ELMO3: variants seen among roughly 807,000 people sequenced by gnomAD.
ELMO3 encodes the protein engulfment and cell motility 3, also known as engulfment and cell motility protein 3.
In ELMO3, 81 loss-of-function variants were observed where a neutral mutation model predicts 89.0. The ratio of observed to expected loss-of-function variants is 0.91; its 90% CI spans 0.76 to 1.09. The LOEUF is 1.09. Ranked by LOEUF, ELMO3 falls within the 50% of genes least tolerant of loss-of-function variation. The pLI, the probability that ELMO3 is intolerant of heterozygous loss-of-function variation, is 0.00. For missense variants in ELMO3, 959 were observed against 972.8 expected (o/e 0.99, Z 0.19); for synonymous variants, 406 against 400.6 (o/e 1.01, Z -0.16).
At position 67,202,157 on chromosome 16, in the gene ELMO3, C is replaced by T. The variant is rs2033130056; in HGVS notation, c.1153-19C>T. The T allele has an allele frequency of 6.3e-7, 1 of 1,599,370 alleles. No homozygotes were observed. Among genetic ancestry groups the T allele is most frequent in the Non-Finnish European group, 8.5e-7 (1 of 1,170,810 alleles). ...ATGGGCTTAGCTGTGACTCCTTGCC[C>T]CATTCTCTGCGCCCCCAGTTTGTGT... On this transcript the variant is annotated intron_variant, in intron 12 of 19. Coordinates refer to ENST00000393997, the MANE Select transcript of ELMO3 (RefSeq NM_024712.5).
rs759220966 is a variant in ELMO3, at chr16:67,202,998, C to T, written c.1669C>T (p.Arg557Cys). 18 of 1,605,390 alleles carry T rather than the reference C, an allele frequency of 1.1e-5. No homozygotes were observed. Among genetic ancestry groups the T allele is most frequent in the South Asian group, 2.2e-5 (2 of 91,050 alleles). The change falls in exon 16 of 20, where the codon CGC (arginine) becomes TGC (cysteine). Residue 557 changes from arginine (R) to cysteine (C), a missense_variant. By Grantham distance (180) the Arg-to-Cys change is radical. Transcript: ENST00000393997. ...CTTCCGCAAGATCAGCAGCCGGCGG[C>T]GCCAGGGTCTCTGAATGGGCATGGG... ...TLFRKISSRR[R>C]QDKLWFCCLS...
rs201989876 is a variant in ELMO3, at chr16:67,200,938, G to A, written c.714G>A (p.Leu238=). ...AGGCCATGGCCCTGCTGACAGCCTTGCTGCAGGGGGCCAGCCCTGTGGAAC... is the reference window on the plus strand; with the variant it reads ...AGGCCATGGCCCTGCTGACAGCCTTACTGCAGGGGGCCAGCCCTGTGGAAC... ...QTKAMALLTA[L]LQGASPVERK... The change falls in exon 8 of 20, where the codon TTG becomes TTA. Residue 238 remains leucine (L), a synonymous_variant. Coordinates refer to ENST00000393997, the MANE Select transcript of ELMO3 (RefSeq NM_024712.5). The A allele has an allele frequency of 3.6e-5, 58 of 1,612,188 alleles. No homozygotes were observed. In the Middle Eastern group the frequency reaches 6.7e-4, roughly 19 times the overall value.
chr16:67,199,143 G>A lies in ELMO3; in HGVS notation c.-184G>A. On this transcript the variant is annotated 5_prime_UTR_variant, in exon 1 of 20. Coordinates refer to ENST00000393997, the MANE Select transcript of ELMO3 (RefSeq NM_024712.5). Reference sequence around the variant, plus strand: ...CAGACTCCAACCCGGAACTAACCTCGGCTCCCTTGGGAAGGCCGCGTTGCA... The same window carrying A: ...CAGACTCCAACCCGGAACTAACCTCAGCTCCCTTGGGAAGGCCGCGTTGCA... The A allele has an allele frequency of 6.2e-7, 1 of 1,600,168 alleles. No homozygotes were observed. The highest frequency in any genetic ancestry group is 8.5e-7 in the Non-Finnish European group (1 of 1,175,908).
rs369325778 is a variant in ELMO3 at position 67,200,914 on chromosome 16, G to A, written c.690G>A (p.Lys230=). ...GGATGAACCAGCAGCTGCAAACCAA[G>A]GCCATGGCCCTGCTGACAGCCTTGC... ...LQVMNQQLQT[K]AMALLTALLQ... is the part of the protein sequence containing the mutation. Residue 230 remains lysine (K), a synonymous_variant, in exon 8 of 20, where the codon AAG becomes AAA. Coordinates refer to ENST00000393997, the MANE Select transcript of ELMO3 (RefSeq NM_024712.5). 8.3e-5 allele frequency: 134 copies of A among 1,613,358 alleles called. No individual in the cohort carries two copies. Among genetic ancestry groups the A allele is most frequent in the Non-Finnish European group, 1.1e-4 (132 of 1,179,842 alleles).
In ELMO3 at chr16:67,200,456, GA is replaced by G; in HGVS notation, c.420del (p.Glu141ArgfsTer7). The G allele has an allele frequency of 6.2e-7, 1 of 1,613,154 alleles. No individual in the cohort carries two copies. Among genetic ancestry groups the G allele is most frequent in the Non-Finnish European group, 8.5e-7 (1 of 1,179,482 alleles). On this transcript the variant is annotated frameshift_variant, in exon 6 of 20. Transcript: ENST00000393997. LOFTEE classifies it high-confidence loss of function. ...CCCAGATGTCCCCCCTCCAGCCTAG[GA>G]GAGGTGCTGGCCCTCAGCCTGAGGG... is the stretch of plus-strand genomic sequence containing the variant. ...GTIIEDGDDLGEVLALSLRAF... is the reference protein window; with the variant it reads ...GTIIEDGDDLXEVLALSLRAF...
At position 67,201,836 on chromosome 16, in the gene ELMO3, C is replaced by T; in HGVS notation, c.1013C>T (p.Ser338Phe). 6.2e-7 allele frequency: 1 copy of T among 1,611,224 alleles called. No homozygotes were observed. Among genetic ancestry groups the T allele is most frequent in the Non-Finnish European group, 8.5e-7 (1 of 1,179,678 alleles). Reference protein sequence around the residue: ...GAGLSADRRRSLCAREFRKLG... With the variant: ...GAGLSADRRRFLCAREFRKLG... ...GGGCTAAGTGCTGACCGTCGCCGTT[C>T]CCTCTGTGCCCGAGAGTTCCGCAAA... The change falls in exon 11 of 20, where the codon TCC (serine) becomes TTC (phenylalanine). Residue 338 changes from serine (S) to phenylalanine (F), a missense_variant. Ser to Phe is a radical substitution (Grantham distance 155, BLOSUM62 -2). Transcript: ENST00000393997.
intron 13 of ELMO3, 26 bp from the exon 14 acceptor site, chr16:67,202,371 G>A (rs1457737368): frequency 6.2e-7 from 1 of 1,613,658 alleles, no homozygotes. Context: ...CTTTCTCCCT[G>A]AGCCCCTCCT....
At position 67,200,315 on chromosome 16, in the gene ELMO3, C is replaced by T. The variant is rs763498567; in HGVS notation, c.367C>T (p.Arg123Cys). The T allele has an allele frequency of 8.7e-6, 14 of 1,613,898 alleles. No homozygotes were observed. Among genetic ancestry groups the T allele is most frequent in the South Asian group, 5.5e-5 (5 of 91,086 alleles). Residue 123 changes from arginine (R) to cysteine (C), a missense_variant, in exon 5 of 20, where the codon CGT (arginine) becomes TGT (cysteine). Physicochemically the swap from Arg to Cys is radical, Grantham distance 180 (BLOSUM62 -3). Coordinates refer to ENST00000393997, the MANE Select transcript of ELMO3 (RefSeq NM_024712.5). ...DMIFAREVIS[R>C]NGLQILGTII... The stretch of plus-strand genomic sequence containing the variant: ...GATCTTTGCCAGGGAGGTCATCAGC[C>T]GTAATGGGCTCCAGATACTAGGCAC...
Position 67,200,176 on chromosome 16 carries a change from G to A in ELMO3, c.244-16G>A, listed in dbSNP as rs200007690. The stretch of plus-strand genomic sequence containing the variant: ...GCCCAGCCTCTTCACCTCTGCTCCT[G>A]CTCCGTTCCTGCCAGGACCTTGAGG... On this transcript the variant is annotated splice_polypyrimidine_tract_variant and intron_variant, in intron 4 of 19. Transcript: ENST00000393997. 1.9e-6 allele frequency: 3 copies of A among 1,608,004 alleles called. No individual in the cohort carries two copies. In the South Asian group the frequency reaches 3.3e-5, roughly 18 times the overall value.
chr16:67,199,488 C>T, intron 1 of ELMO3, 65 bp from the exon 2 acceptor site: 2 of 1,552,186 alleles, frequency 1.3e-6, no homozygotes, highest in Non-Finnish European at 8.7e-7. Flanking sequence ...CCGCCCCACC[C>T]CTCCCCCCAG....
chr16:67,203,369 G>A lies in ELMO3; in HGVS notation c.1823G>A (p.Cys608Tyr). The A allele has an allele frequency of 6.2e-7, 1 of 1,609,098 alleles. No homozygotes were observed. The highest frequency in any genetic ancestry group is 8.5e-7 in the Non-Finnish European group (1 of 1,178,648). The change falls in exon 18 of 20, where the codon TGC (cysteine) becomes TAC (tyrosine). Residue 608 changes from cysteine (C) to tyrosine (Y), a missense_variant. Coordinates refer to ENST00000393997, the MANE Select transcript of ELMO3 (RefSeq NM_024712.5). This position sits in a 1 kb window ranked among gnomAD's most constrained non-coding sequence, Gnocchi z 4.6. Reference sequence around the variant, plus strand: ...AGGGCACTCCTGACAGGCAAGGACTGCCCCCATGTCCGGGAGAAGGGCTCC... The same window carrying A: ...AGGGCACTCCTGACAGGCAAGGACTACCCCCATGTCCGGGAGAAGGGCTCC... The part of the protein sequence containing the change: ...DMRALLTGKD[C>Y]PHVREKGSGK...
intron 8 of ELMO3, 104 bp downstream of exon 8, chr16:67,201,072 G>C: frequency 1.6e-6 from 2 of 1,236,406 alleles, no homozygotes; most frequent in Non-Finnish European, 2.2e-6. Flanking sequence ...TTGAGATGGA[G>C]TCTTGCTCTG....
Position 67,202,283 on chromosome 16 carries a change from C to G in ELMO3, c.1260C>G (p.Pro420=). Residue 420 remains proline (P), a splice_region_variant and synonymous_variant, in exon 13 of 20, where the codon CCC becomes CCG. Transcript: ENST00000393997. The part of the protein sequence containing the change: ...LLCELLRVGE[P]CSETAQDFSP... ...GTGAGCTGCTCCGTGTTGGGGAGCC[C>G]TGTGAGTGGCCTGGACTGGGCACAG... 1 of 1,609,662 alleles carries G rather than the reference C, an allele frequency of 6.2e-7. No individual in the cohort carries two copies. Among genetic ancestry groups the G allele is most frequent in the Non-Finnish European group, 8.5e-7 (1 of 1,177,130 alleles).
rs201561338 is a variant in ELMO3 at position 67,200,532 on chromosome 16, C to T, written c.495C>T (p.Ser165=). The T allele has an allele frequency of 1.9e-4, 307 of 1,613,760 alleles. 2 individuals carry two copies. The East Asian group carries it at 6.3e-3, about 33-fold the overall frequency. ...EHGVVSWETL[S]IPFVRKVVCY... ...GCGTGGTGTCCTGGGAGACTCTGAG[C>T]ATCCCCTTTGTGAGGAAGGTGGGTG... The change falls in exon 6 of 20, where the codon AGC becomes AGT. Residue 165 remains serine, a synonymous_variant. Coordinates refer to ENST00000393997, the MANE Select transcript of ELMO3 (RefSeq NM_024712.5).
intron 8 of ELMO3, 148 bp from the exon 9 acceptor site, chr16:67,201,237 T>TA (rs2033100135): frequency 1.3e-6 from 1 of 793,366 alleles, no homozygotes. Context: ...TTTTTTTTTT[T>TA]AAGTAGAGAC....
At position 67,203,380 on chromosome 16, in the gene ELMO3, C is replaced by T. The variant is rs199633228; in HGVS notation, c.1834C>T (p.Arg612Trp). The change falls in exon 18 of 20, where the codon CGG becomes TGG. Residue 612 changes from arginine (R) to tryptophan (W), a missense_variant. Transcript: ENST00000393997. The surrounding 1 kb of genome is among the most constrained non-coding windows in gnomAD (Gnocchi z 4.6). ...LLTGKDCPHV[R>W]EKGSGKQNKD... Reference sequence around the variant, plus strand: ...GACAGGCAAGGACTGCCCCCATGTCCGGGAGAAGGGCTCCGGGAAGCAGAA... The same window carrying T: ...GACAGGCAAGGACTGCCCCCATGTCTGGGAGAAGGGCTCCGGGAAGCAGAA... The T allele has an allele frequency of 4.2e-5, 67 of 1,610,258 alleles. 1 individual carries two copies. The highest frequency in any genetic ancestry group is 1.2e-4 in the African/African-American group (9 of 74,946).
Position 67,201,935 on chromosome 16 carries a change from G to A in ELMO3, c.1051-42G>A, listed in dbSNP as rs750004829. ...TCAGCCCAGGGCTGTTGTTCCAGGC[G>A]GCCGTGGCCCTTCTTGAACTGCCTG... is the stretch of plus-strand genomic sequence containing the variant. On this transcript the variant is annotated intron_variant, in intron 11 of 19. Coordinates refer to ENST00000393997, the MANE Select transcript of ELMO3 (RefSeq NM_024712.5). 5.2e-5 allele frequency: 83 copies of A among 1,606,354 alleles called. No individual in the cohort carries two copies. In the East Asian group the frequency reaches 8.7e-4, roughly 17 times the overall value.
intron 8 of ELMO3, 68 bp downstream of exon 8, chr16:67,201,036 C>T (rs1312953046): frequency 6.7e-6 from 10 of 1,484,846 alleles, no homozygotes; most frequent in Non-Finnish European, 9.0e-6. Context: ...GAAGCAAAAT[C>T]CTCTAAGCCC....
At chr16:67,201,069 G>A (rs1434267766) in intron 8 of ELMO3, 101 bp downstream of exon 8, 208 of 1,250,766 alleles carry the variant, frequency 1.7e-4, no homozygotes, top group Non-Finnish European at 2.0e-4. Flanking sequence ...TTTTTGAGAT[G>A]GAGTCTTGCT....
Sources: gnomAD v4.1 joint callset for allele counts on GRCh38, gnomAD v4.1.1 for gene constraint, Gnocchi (gnomAD v3.1) non-coding constraint, MANE v1.5 for transcripts, NCBI Gene and HGNC (gene_info 2026-07-23, HGNC 2026-07-21) for gene names.